Variants in PPAT observed in about 807,000 individuals in gnomAD.
PPAT encodes amidophosphoribosyltransferase.
In PPAT, 20 loss-of-function variants were observed where a neutral mutation model predicts 60.2. That is an observed-to-expected ratio of 0.33 (90% CI 0.23 to 0.48). PPAT has a LOEUF of 0.48. Ranked by LOEUF, PPAT falls within the 20% of genes least tolerant of loss-of-function variation. The pLI is 0.99. For synonymous variants in PPAT, 194 were observed against 215.1 expected (o/e 0.90, Z 0.86); for missense variants, 349 against 629.6 (o/e 0.55, Z 4.77).
chr4:56,410,464 G>T lies in PPAT; in HGVS notation c.129-2748C>A, dbSNP rs552772696. On this transcript the variant is annotated intron_variant, in intron 1 of 10. Coordinates refer to ENST00000264220, the MANE Select transcript of PPAT (RefSeq NM_002703.5). ...TGACAACCAGCCATGTGGTTTCCTA[G>T]GAAACAAAACCTTGGCTGGAAATAG... The T allele has an allele frequency of 6.2e-6, 6 of 970,528 alleles. No homozygotes were observed. The South Asian group carries it at 2.9e-4, about 46-fold the overall frequency. 60.1% of individuals were successfully genotyped at this position (970,528 alleles called of 1,614,324 possible).
In PPAT at chr4:56,403,127, C is replaced by A. The variant is rs1176024913; in HGVS notation, c.574G>T (p.Asp192Tyr). Residue 192 changes from aspartate to tyrosine, a missense_variant, in exon 5 of 11, where the codon GAT becomes TAT. By Grantham distance (160) the Asp-to-Tyr change is radical. This residue lies in a region of PPAT where 63 missense variants were observed against 86.9 expected (regional missense o/e 0.73). Transcript: ENST00000264220. ...TAYSLLIMHR[D>Y]VIYAVRDPYG... ...GGATCTCGTACTGCATAAATAACAT[C>A]TCTGTGCATTATAAGCAGGGAGTAT... 2 of 1,611,932 alleles carry A rather than the reference C, an allele frequency of 1.2e-6. No homozygotes were observed. The highest frequency in any genetic ancestry group is 1.7e-6 in the Non-Finnish European group (2 of 1,178,264).
chr4:56,423,072 A>G (rs1717124024), intron 1 of PPAT: 1 of 152,226 alleles, frequency 6.6e-6, no homozygotes, highest in Non-Finnish European at 1.5e-5. Context: ...TGCCTCTTCT[A>G]CACAAACCAA....
chr4:56,405,682 C>T lies in PPAT; in HGVS notation c.402+813G>A, dbSNP rs539121654. Among the ~76,000 whole-genome samples the T allele has an allele frequency of 2.8e-4, 43 of 152,318 alleles. 1 individual carries two copies. Among genetic ancestry groups the T allele is most frequent in the African/African-American group, 1.0e-3 (42 of 41,564 alleles). On this transcript the variant is annotated intron_variant, in intron 3 of 10. Transcript: ENST00000264220. ...ACTTGGAGATGCCTGGAGGGTGGTG[C>T]CCCTGGAAAGGGCATGGAAGCTCCA...
Position 56,407,674 on chromosome 4 carries a change from C to G in PPAT, c.171G>C (p.Ser57=), listed in dbSNP as rs11538098. The G allele has an allele frequency of 0.38, 612,957 of 1,599,144 alleles. 122,653 individuals are homozygous for G. Among genetic ancestry groups the G allele is most frequent in the Non-Finnish European group, 0.41 (481,106 of 1,166,668 alleles). ...CCTTGTGTGATTTGAATGTTGGCAC[C>G]GAACTCCCATCACTAGTCACAATAC... ...SAGIVTSDGS[S]VPTFKSHKGM... is the part of the protein sequence containing the mutation. Residue 57 remains serine (S), a synonymous_variant, in exon 2 of 11, where the codon TCG becomes TCC. Transcript: ENST00000264220.
At chr4:56,402,039 TAAG>T (rs757568470) in intron 6 of PPAT, 67 bp downstream of exon 6, 117 of 1,228,516 alleles carry the variant, frequency 9.5e-5, no homozygotes, top group Admixed American at 2.5e-4. Flanking sequence ...TTCACATAAA[TAAG>T]AAACTGTCTA....
chr4:56,432,650 T>TG (rs1341785559), intron 1 of PPAT, among the ~76,000 whole-genome samples: 4 of 149,748 alleles, frequency 2.7e-5, no homozygotes, highest in East Asian at 2.0e-4. Context: ...CCGGGCGTGG[T>TG]GGGGGGCGCC....
At position 56,395,010 on chromosome 4, in the gene PPAT, T is replaced by C. The variant is rs567402783; in HGVS notation, c.*342A>G. The C allele has an allele frequency of 4.3e-6, 1 of 230,372 alleles. No homozygotes were observed. The highest frequency in any genetic ancestry group is 6.1e-5 in the Admixed American group (1 of 16,270). 14.3% of individuals were successfully genotyped at this position (230,372 alleles called of 1,614,324 possible). On this transcript the variant is annotated 3_prime_UTR_variant, in exon 11 of 11. Transcript: ENST00000264220. ...TGGTATATTTAACTCACCTGTCTTG[T>C]TGGCATCACCTCTCCTTAACCCTAA...
chr4:56,409,093 T>C (rs1716336894), intron 1 of PPAT, among the ~76,000 whole-genome samples: 1 of 152,224 alleles, frequency 6.6e-6, no homozygotes, highest in Admixed American at 6.5e-5. Flanking sequence ...TTCTGATCCT[T>C]TTAATTATTT....
chr4:56,434,021 G>A (rs1261753828), intron 1 of PPAT, among the ~76,000 whole-genome samples: 1 of 152,084 alleles, frequency 6.6e-6, no homozygotes, highest in East Asian at 1.9e-4. Flanking sequence ...AACTAATGTT[G>A]CTCACAACTA....
At chr4:56,410,154 C>G (rs1027715221) in intron 1 of PPAT, among the ~76,000 whole-genome samples, 3 of 152,034 alleles carry the variant, frequency 2.0e-5, no homozygotes, top group Admixed American at 6.5e-5. Context: ...GGCTATAGAC[C>G]TCTTGGAAAA....
chr4:56,402,074 G>A (rs775503595), intron 6 of PPAT, 35 bp downstream of exon 6: 5 of 1,469,876 alleles, frequency 3.4e-6, no homozygotes, highest in South Asian at 1.3e-5. Flanking sequence ...TTTCAACATG[G>A]GAAAATAAAA....
chr4:56,422,482 C>CGTGTGTGTGT (rs71194105), intron 1 of PPAT: 47 of 138,560 alleles, frequency 3.4e-4, no homozygotes, highest in African/African-American at 1.2e-3. Context: ...TTTTTTTGTA[C>CGTGTGTGTGT]GTGTGTGTGT....
intron 1 of PPAT, chr4:56,428,918 T>G (rs1717431142): frequency 1.2e-6 from 1 of 826,884 alleles, no homozygotes; most frequent in Non-Finnish European, 1.5e-6. Flanking sequence ...ATAATGATTC[T>G]TTTCCTGTGT....
chr4:56,422,818 G>T (rs1396087421), intron 1 of PPAT: 1 of 152,128 alleles, frequency 6.6e-6, no homozygotes, highest in Admixed American at 6.5e-5. Context: ...ATAATTAATG[G>T]AAGCAATGTT....
At chr4:56,403,477 A>T in intron 3 of PPAT, 76 bp from the exon 4 acceptor site, 1 of 1,053,804 alleles carries the variant, frequency 9.5e-7, no homozygotes, top group Non-Finnish European at 1.4e-6. Context: ...GCCAACCATA[A>T]TGAAAATAAG....
intron 1 of PPAT, among the ~76,000 whole-genome samples, chr4:56,429,860 A>G (rs1204286656): frequency 6.6e-6 from 1 of 152,154 alleles, no homozygotes; most frequent in Non-Finnish European, 1.5e-5. Flanking sequence ...GATTCATACT[A>G]TATGTACTTT....
intron 1 of PPAT, chr4:56,420,277 C>T (rs1007650183): frequency 1.3e-5 from 2 of 152,294 alleles, no homozygotes; most frequent in African/African-American, 4.8e-5. Context: ...ATGCAATATT[C>T]TTAATAATTT....
intron 1 of PPAT, among the ~76,000 whole-genome samples, chr4:56,426,424 C>G (rs961806935): frequency 1.3e-5 from 2 of 151,808 alleles, no homozygotes; most frequent in African/African-American, 4.8e-5. Flanking sequence ...GAAAGAAACC[C>G]CATATCCATC....
chr4:56,402,552 C>T (rs1344752636), intron 5 of PPAT, among the ~76,000 whole-genome samples: 2 of 152,140 alleles, frequency 1.3e-5, no homozygotes, highest in Non-Finnish European at 2.9e-5. Context: ...CGTGGTGGCT[C>T]ACGCCTGTAA....
Sources: gnomAD v4.1 joint callset for allele counts (sites outside exome capture counted in the v4.1 genomes callset) on GRCh38, gnomAD v4.1.1 for gene constraint, gnomAD v4.1.1 regional missense constraint, MANE v1.5 for transcripts, NCBI Gene and HGNC (gene_info 2026-07-23, HGNC 2026-07-21) for gene names.